PRKN: variants seen among roughly 807,000 people sequenced by gnomAD.
PRKN encodes the protein E3 ubiquitin-protein ligase parkin.
PRKN carries 56 observed loss-of-function variants against 59.5 expected under a neutral mutation model. The observed-to-expected ratio is 0.94, with a 90% CI of 0.76 to 1.18. The LOEUF (loss-of-function observed/expected upper bound fraction) is 1.18. Among genes scored for constraint, PRKN ranks in the 50% most tolerant of loss-of-function variants. The pLI is 0.00. For synonymous variants in PRKN, 250 were observed against 222.1 expected (o/e 1.13, Z -1.12); for missense variants, 657 against 596.4 (o/e 1.10, Z -1.06).
chr6:161,787,304 T>C (rs1790459380), intron 6 of PRKN, among the ~76,000 whole-genome samples: 1 of 152,214 alleles, frequency 6.6e-6, no homozygotes. Context: ...GCCATGGATG[T>C]GTAAGTAATC....
intron 7 of PRKN, among the ~76,000 whole-genome samples, chr6:161,762,790 C>T (rs1341244791): frequency 6.6e-6 from 1 of 152,134 alleles, no homozygotes; most frequent in Non-Finnish European, 1.5e-5. Flanking sequence ...TTCTAGGCCA[C>T]CATTGCTCTC....
intron 1 of PRKN, among the ~76,000 whole-genome samples, chr6:162,455,112 C>G (rs1177693482): frequency 6.6e-6 from 1 of 152,142 alleles, no homozygotes; most frequent in African/African-American, 2.4e-5. Context: ...AATTCCTCCT[C>G]AGGGAAGTTC....
intron 1 of PRKN, among the ~76,000 whole-genome samples, chr6:162,455,281 C>T (rs926596015): frequency 6.6e-6 from 1 of 152,150 alleles, no homozygotes; most frequent in African/African-American, 2.4e-5. Context: ...AGCCATCCAC[C>T]CATCCATCCA....
chr6:161,895,514 G>T (rs1216799815), intron 6 of PRKN, among the ~76,000 whole-genome samples: 1 of 129,668 alleles, frequency 7.7e-6, no homozygotes, highest in Non-Finnish European at 1.6e-5. Flanking sequence ...CCCACCTGCC[G>T]TTATGCCCCC....
chr6:162,092,120 A>C (rs4406201), intron 4 of PRKN, among the ~76,000 whole-genome samples: 104,949 of 152,062 alleles, frequency 0.69, 36,382 homozygotes, highest in East Asian at 0.86. Context: ...TTTGGGAGGC[A>C]GAGGCGGGCA....
In PRKN at chr6:161,903,842, G is replaced by A. The variant is rs75916256; in HGVS notation, c.734+69460C>T. 3.8e-3 allele frequency among the ~76,000 whole-genome samples: 563 copies of A among 149,550 alleles called. 3 individuals carry two copies. Among genetic ancestry groups the A allele is most frequent in the Non-Finnish European group, 5.5e-3 (375 of 67,596 alleles). ...ATGGTCCCTTTTATTGTATGTATGC[G>A]CAGTGCTGGCCTGGCTTTGCAATGC... On this transcript the variant is annotated intron_variant, in intron 6 of 11. Transcript: ENST00000366898.
intron 7 of PRKN, among the ~76,000 whole-genome samples, chr6:161,611,421 AGT>A (rs1364328643): frequency 1.3e-5 from 2 of 152,318 alleles, no homozygotes; most frequent in Non-Finnish European, 2.9e-5. Context: ...TTTTCCCAAC[AGT>A]GTGTGCTCAC....
intron 9 of PRKN, among the ~76,000 whole-genome samples, chr6:161,452,164 G>C (rs1248287021): frequency 6.6e-6 from 1 of 150,524 alleles, no homozygotes; most frequent in East Asian, 1.9e-4. Context: ...GTATTGGCTA[G>C]GCTGGTGTCG....
chr6:162,325,096 A>C (rs993441874), intron 2 of PRKN, among the ~76,000 whole-genome samples: 2 of 152,172 alleles, frequency 1.3e-5, no homozygotes, highest in South Asian at 4.1e-4. Context: ...TTTAAAATTA[A>C]ATGACTGATT....
intron 3 of PRKN, among the ~76,000 whole-genome samples, chr6:162,223,636 C>CAT (rs1421455346): frequency 9.4e-6 from 1 of 106,494 alleles, no homozygotes; most frequent in Non-Finnish European, 1.7e-5. Flanking sequence ...CACACACACA[C>CAT]ACACACACAC....
chr6:162,068,392 T>G (rs1778427776), intron 4 of PRKN, among the ~76,000 whole-genome samples: 1 of 152,210 alleles, frequency 6.6e-6, no homozygotes, highest in Non-Finnish European at 1.5e-5. Flanking sequence ...GCTTTTATGA[T>G]CTCACAGTTT....
intron 2 of PRKN, among the ~76,000 whole-genome samples, chr6:162,347,559 T>C (rs1378443353): frequency 1.3e-5 from 2 of 152,216 alleles, no homozygotes; most frequent in African/African-American, 2.4e-5. Context: ...ATATGTGTGT[T>C]TGAATAAAGA....
rs35685379 is a variant in PRKN at position 161,679,674 on chromosome 6, A to ACC, written c.871+106096_871+106097dup. ...GGTACCTTTGGTTTATAATAGAACC[A>ACC]CCCCCCCCCCTTTTTTTTTTTTAAG... is the stretch of plus-strand genomic sequence containing the variant. On this transcript the variant is annotated intron_variant, in intron 7 of 11. Transcript: ENST00000366898. 6.6e-3 allele frequency among the ~76,000 whole-genome samples: 436 copies of ACC among 65,926 alleles called. 17 individuals are homozygous for ACC. Among genetic ancestry groups the ACC allele is most frequent in the East Asian group, 8.5e-3 (16 of 1,890 alleles). 43.3% of individuals were successfully genotyped at this position (65,926 alleles called of 152,430 possible).
chr6:162,425,076 T>C (rs75503358), intron 2 of PRKN, among the ~76,000 whole-genome samples: 1 of 150,020 alleles, frequency 6.7e-6, no homozygotes, highest in South Asian at 2.1e-4. Context: ...AAAAAAAAAA[T>C]CTACCCATCA....
chr6:161,590,004 G>A (rs111703444), intron 7 of PRKN, among the ~76,000 whole-genome samples: 2,750 of 150,982 alleles, frequency 0.018, 99 homozygotes, highest in African/African-American at 0.064. Context: ...GGCCAGGCTC[G>A]TTTTGAACTC....
At chr6:161,829,600 A>G (rs1427891691) in intron 6 of PRKN, among the ~76,000 whole-genome samples, 1 of 152,052 alleles carries the variant, frequency 6.6e-6, no homozygotes, top group African/African-American at 2.4e-5. Flanking sequence ...CCAGGTGGAT[A>G]CTAACGCTCA....
At chr6:161,802,452 CCCCACATATGA>C (rs1027730096) in intron 6 of PRKN, among the ~76,000 whole-genome samples, 4 of 150,852 alleles carry the variant, frequency 2.7e-5, no homozygotes, top group Non-Finnish European at 5.9e-5. Flanking sequence ...CACACACACA[CCCCACATATGA>C]CCCACACACG....
Position 162,013,448 on chromosome 6 carries a change from T to C in PRKN, c.619-40031A>G, listed in dbSNP as rs573548223. Among the ~76,000 whole-genome samples, 90 of 152,260 alleles carry C rather than the reference T, an allele frequency of 5.9e-4. 1 individual carries two copies. Among genetic ancestry groups the C allele is most frequent in the South Asian group, 1.9e-3 (9 of 4,830 alleles). ...CAACCATTTCTATGAGGAGCCCTAG[T>C]ATTTTTAGTGGAGAAAATGTTCAGA... On this transcript the variant is annotated intron_variant, in intron 5 of 11. Transcript: ENST00000366898.
At chr6:161,728,941 T>C (rs918796250) in intron 7 of PRKN, among the ~76,000 whole-genome samples, 5 of 152,210 alleles carry the variant, frequency 3.3e-5, no homozygotes, top group Non-Finnish European at 4.4e-5. Flanking sequence ...AATCATGGCA[T>C]TCTAGAGTTT....
Sources: allele counts gnomAD v4.1 joint callset (sites outside exome capture counted in the v4.1 genomes callset), GRCh38; gene constraint gnomAD v4.1.1; transcripts MANE v1.5; gene names NCBI Gene and HGNC (gene_info 2026-07-23, HGNC 2026-07-21).